Variants in ROBO2 observed in about 807,000 individuals in gnomAD.
The protein encoded by ROBO2 is roundabout homolog 2.
A neutral mutation model predicts 160.8 loss-of-function variants in ROBO2; 53 were observed. The observed-to-expected ratio is 0.33, with a 90% CI of 0.26 to 0.41. The LOEUF (loss-of-function observed/expected upper bound fraction) is 0.41, where lower values mean the gene tolerates loss of function less well. Among genes scored for constraint, ROBO2 ranks in the 10% least tolerant of loss-of-function variants. The probability of loss-of-function intolerance (pLI) is 1.00; values close to 1 mark genes in which losing one functional copy is unlikely to be tolerated. For synonymous variants in ROBO2, 664 were observed against 611.7 expected, an observed-to-expected ratio of 1.09 and a Z score of -1.26; for missense variants, 1,577 against 1,722.4, an observed-to-expected ratio of 0.92 and a Z score of 1.49.
chr3:76,726,198 G>A (rs1227715790), intron 2 of ROBO2, among the ~76,000 whole-genome samples: 2 of 152,090 alleles, frequency 1.3e-5, no homozygotes, highest in African/African-American at 4.8e-5. Context: ...TTTCCAGGCT[G>A]ATCTTGTAAA....
At chr3:76,248,743 A>C (rs918925620) in intron 2 of ROBO2, among the ~76,000 whole-genome samples, 1 of 151,566 alleles carries the variant, frequency 6.6e-6, no homozygotes, top group Non-Finnish European at 1.5e-5. Flanking sequence ...GTTTTGGATT[A>C]GTTGTCATGG....
intron 13 of ROBO2, among the ~76,000 whole-genome samples, chr3:77,572,769 A>T (rs558665507): frequency 6.6e-6 from 1 of 152,070 alleles, no homozygotes; most frequent in African/African-American, 2.4e-5. Context: ...TTCTAAAGCC[A>T]ATATTTTTAG....
chr3:76,676,259 T>C (rs544062551), intron 2 of ROBO2, among the ~76,000 whole-genome samples: 2 of 152,186 alleles, frequency 1.3e-5, no homozygotes, highest in South Asian at 4.2e-4. Context: ...ATGAGAGTGA[T>C]TTCTCATGAG....
At chr3:76,956,285 C>T (rs1470731036) in intron 2 of ROBO2, among the ~76,000 whole-genome samples, 3 of 152,126 alleles carry the variant, frequency 2.0e-5, no homozygotes, top group Non-Finnish European at 2.9e-5. Flanking sequence ...GGGCCAGGCA[C>T]GGTGGCTCAC....
chr3:76,735,947 A>T (rs2093703715), intron 2 of ROBO2, among the ~76,000 whole-genome samples: 1 of 151,952 alleles, frequency 6.6e-6, no homozygotes, highest in South Asian at 2.1e-4. Context: ...ATAAATAAAA[A>T]TAACTTTATT....
At chr3:77,123,739 G>GGT (rs2075010029) in intron 2 of ROBO2, among the ~76,000 whole-genome samples, 1 of 88,008 alleles carries the variant, frequency 1.1e-5, no homozygotes, top group Non-Finnish European at 2.3e-5. Context: ...TATGTATCTA[G>GGT]ATATATAATC....
intron 2 of ROBO2, among the ~76,000 whole-genome samples, chr3:77,122,796 A>G (rs1436096530): frequency 6.6e-6 from 1 of 152,222 alleles, no homozygotes; most frequent in Non-Finnish European, 1.5e-5. Flanking sequence ...TGACAGGCCA[A>G]TGACATAATG....
At chr3:77,124,407 T>C (rs2150299466) in intron 2 of ROBO2, among the ~76,000 whole-genome samples, 1 of 152,238 alleles carries the variant, frequency 6.6e-6, no homozygotes, top group South Asian at 2.1e-4. Flanking sequence ...GAGTAGAGTT[T>C]ATATTACTGA....
At chr3:77,002,004 TTACTA>T (rs1297523984) in intron 2 of ROBO2, among the ~76,000 whole-genome samples, 2 of 152,130 alleles carry the variant, frequency 1.3e-5, no homozygotes, top group South Asian at 2.1e-4. Context: ...ATTTTTAAGT[TTACTA>T]TATTATTGGA....
At chr3:76,530,500 T>C (rs928265499) in intron 2 of ROBO2, among the ~76,000 whole-genome samples, 1 of 152,174 alleles carries the variant, frequency 6.6e-6, no homozygotes, top group Non-Finnish European at 1.5e-5. Context: ...TCCTATATCA[T>C]ACCATGCCTT....
At chr3:77,066,840 A>G (rs960407005) in intron 1 of ROBO2, among the ~76,000 whole-genome samples, 18 of 152,164 alleles carry the variant, frequency 1.2e-4, no homozygotes, top group African/African-American at 4.1e-4. Flanking sequence ...ATTTTCTCCA[A>G]AGAAAAGAAA....
chr3:76,838,354 AC>A (rs1453668038), intron 2 of ROBO2, among the ~76,000 whole-genome samples: 1 of 152,068 alleles, frequency 6.6e-6, no homozygotes, highest in Non-Finnish European at 1.5e-5. Flanking sequence ...TGTGTAATAA[AC>A]CTTCACATGT....
chr3:76,645,658 G>C (rs529047701), intron 2 of ROBO2, among the ~76,000 whole-genome samples: 92 of 152,272 alleles, frequency 6.0e-4, no homozygotes, highest in Admixed American at 1.0e-3. Context: ...CATGGAAGAA[G>C]TAGTTTTAGA....
chr3:76,707,731 G>GTATATATATATA (rs56401900), intron 2 of ROBO2, among the ~76,000 whole-genome samples: 25 of 134,190 alleles, frequency 1.9e-4, no homozygotes, highest in African/African-American at 2.5e-4. Flanking sequence ...ACATGTGTGT[G>GTATATATATATA]TATATATATA....
rs570872414 is a variant in ROBO2 at position 76,691,254 on chromosome 3, C to A, written c.110-406760C>A. On this transcript the variant is annotated intron_variant, in intron 2 of 26. Transcript: ENST00000487694. ...TTTTGTAAGTGCTCACTTTCCCTTC[C>A]ACCATGTTACATCACAGCAAGAAGG... Among the ~76,000 whole-genome samples, 482 of 152,062 alleles carry A rather than the reference C, an allele frequency of 3.2e-3. 1 individual carries two copies. Among genetic ancestry groups the A allele is most frequent in the Middle Eastern group, 6.8e-3 (2 of 294 alleles).
intron 2 of ROBO2, among the ~76,000 whole-genome samples, chr3:77,182,861 A>C (rs2080922435): frequency 6.6e-6 from 1 of 152,090 alleles, no homozygotes; most frequent in East Asian, 1.9e-4. Flanking sequence ...CTGAATGCAA[A>C]AACTTTTCAT....
At chr3:76,018,606 C>CA (rs542825938) in intron 2 of ROBO2, among the ~76,000 whole-genome samples, 12 of 151,268 alleles carry the variant, frequency 7.9e-5, no homozygotes, top group South Asian at 6.3e-4. Context: ...ACAAATTTTT[C>CA]AAAAAAAATT....
At chr3:76,659,842 G>A (rs889678420) in intron 2 of ROBO2, among the ~76,000 whole-genome samples, 8 of 152,172 alleles carry the variant, frequency 5.3e-5, no homozygotes, top group African/African-American at 1.9e-4. Context: ...ACCATGGCCA[G>A]GGTGTGTCCT....
intron 1 of ROBO2, among the ~76,000 whole-genome samples, chr3:77,089,690 A>G (rs1158756870): frequency 6.6e-6 from 1 of 152,208 alleles, no homozygotes. Context: ...GAGTTTTAGC[A>G]AATTTCAAAT....
Sources: gnomAD v4.1 joint callset for allele counts (sites outside exome capture counted in the v4.1 genomes callset) on GRCh38, gnomAD v4.1.1 for gene constraint, MANE v1.5 for transcripts, NCBI Gene and HGNC (gene_info 2026-07-23, HGNC 2026-07-21) for gene names.